Variants in CEP85L observed in about 807,000 individuals in gnomAD.
The protein encoded by CEP85L is centrosomal protein 85L, also known as centrosomal protein of 85 kDa-like.
In CEP85L, 60 loss-of-function variants were observed where a neutral mutation model predicts 100.3. That is an observed-to-expected ratio of 0.60 (90% confidence interval 0.49 to 0.74). The LOEUF (loss-of-function observed/expected upper bound fraction) is 0.74, where lower values mean the gene tolerates loss of function less well. Ranked by LOEUF, CEP85L falls within the 30% of genes least tolerant of loss-of-function variation. CEP85L has a pLI of 0.00. For synonymous variants in CEP85L, 319 were observed against 322.7 expected, an observed-to-expected ratio of 0.99 and a Z score of 0.12; for missense variants, 973 against 936.2, an observed-to-expected ratio of 1.04 and a Z score of -0.51.
chr6:118,575,499 A>C (rs1780171002), intron 2 of CEP85L, among the ~76,000 whole-genome samples: 1 of 152,104 alleles, frequency 6.6e-6, no homozygotes, highest in South Asian at 2.1e-4. Context: ...TCCCCTAAAA[A>C]CTACAGGAGA....
intron 3 of CEP85L, among the ~76,000 whole-genome samples, chr6:118,526,114 CAT>C (rs1562229913): frequency 6.6e-6 from 1 of 152,306 alleles, no homozygotes; most frequent in East Asian, 1.9e-4. Flanking sequence ...AAAAGTGACA[CAT>C]AGTGTTACAG....
At chr6:118,527,002 CTTTT>C (rs764883723) in intron 3 of CEP85L, among the ~76,000 whole-genome samples, 32 of 98,732 alleles carry the variant, frequency 3.2e-4, no homozygotes, top group African/African-American at 5.3e-4. Context: ...TTTACTTTTT[CTTTT>C]TTTTTTTTTT....
rs1409228051 is a variant in CEP85L, at chr6:118,600,316, T to G, written c.232+32137A>C. On this transcript the variant is annotated intron_variant, in intron 2 of 12. Coordinates refer to ENST00000368491, the MANE Select transcript of CEP85L (RefSeq NM_001042475.3). ...CTTCCTGGGGGTGTGTGTGTGTGTG[T>G]GTGTGTGTGTGTGTGTGTGTGTGTG... Among the ~76,000 whole-genome samples, 82 of 90,582 alleles carry G rather than the reference T, an allele frequency of 9.1e-4. 4 individuals carry two copies. The highest frequency in any genetic ancestry group is 1.3e-3 in the Non-Finnish European group (54 of 41,662). The allele number at this position is 90,582 out of a possible 152,430, so 59.4% of individuals were successfully genotyped here. A position where few individuals can be genotyped will look rare whatever the true frequency, so the allele number is the denominator to read the frequency against.
intron 3 of CEP85L, among the ~76,000 whole-genome samples, chr6:118,526,377 T>C (rs1047135459): frequency 6.6e-6 from 1 of 152,198 alleles, no homozygotes; most frequent in Non-Finnish European, 1.5e-5. Flanking sequence ...ACAAGTGACC[T>C]TCAGGACCCC....
intron 1 of CEP85L, among the ~76,000 whole-genome samples, chr6:118,641,563 G>A (rs781400885): frequency 1.3e-5 from 2 of 152,054 alleles, no homozygotes; most frequent in East Asian, 1.9e-4. Context: ...AGGGCTTGAC[G>A]GTGACATCCT....
chr6:118,603,901 C>A (rs1771993105), intron 2 of CEP85L, among the ~76,000 whole-genome samples: 1 of 152,174 alleles, frequency 6.6e-6, no homozygotes, highest in Non-Finnish European at 1.5e-5. Context: ...TTTAGGCCAG[C>A]CCCTATTAAA....
intron 3 of CEP85L, among the ~76,000 whole-genome samples, chr6:118,526,614 T>C (rs547886792): frequency 1.3e-5 from 2 of 152,302 alleles, no homozygotes; most frequent in African/African-American, 4.8e-5. Context: ...TTTCACAAGA[T>C]ACAGGTCACA....
Position 118,635,717 on chromosome 6 carries a change from G to A in CEP85L, c.74-3106C>T, listed in dbSNP as rs144997538. Among the ~76,000 whole-genome samples the A allele has an allele frequency of 4.3e-3, 661 of 152,270 alleles. 8 individuals carry two copies. Among genetic ancestry groups the A allele is most frequent in the African/African-American group, 0.015 (640 of 41,558 alleles). ...TTAGGCAATATAACTATTTTGAGCAGTATAAAGTCATGCTCCATTAAAGCC... is the reference window on the plus strand; with the variant it reads ...TTAGGCAATATAACTATTTTGAGCAATATAAAGTCATGCTCCATTAAAGCC... On this transcript the variant is annotated intron_variant, in intron 1 of 12. Transcript: ENST00000368491.
chr6:118,657,786 C>T (rs776543916), intron 1 of CEP85L, among the ~76,000 whole-genome samples: 1 of 152,182 alleles, frequency 6.6e-6, no homozygotes, highest in Non-Finnish European at 1.5e-5. Context: ...GAGCAAATTA[C>T]AAACTTGTGA....
At position 118,465,474 on chromosome 6, in the gene CEP85L, A is replaced by G. The variant is rs766721431; in HGVS notation, c.2349T>C (p.Ile783=). 4 of 1,613,512 alleles carry G rather than the reference A, an allele frequency of 2.5e-6. No individual in the cohort carries two copies. In the Admixed American group the frequency reaches 6.7e-5, roughly 27 times the overall value. ...LSDVCQLRRD[I]DELRTTISDR... is the part of the protein sequence containing the mutation. ...CTGATATTGTAGTCCTTAATTCATC[A>G]ATGTCTCTTCGTAACTGGCACACAT... The change falls in exon 13 of 13, where the codon ATT becomes ATC. Residue 783 remains isoleucine (I), a synonymous_variant. Transcript: ENST00000368491.
At chr6:118,709,057 G>T (rs1777693367) in intron 1 of CEP85L, among the ~76,000 whole-genome samples, 1 of 152,126 alleles carries the variant, frequency 6.6e-6, no homozygotes, top group African/African-American at 2.4e-5. Flanking sequence ...GTACCTAACA[G>T]ATCTCGGAAA....
chr6:118,599,441 A>G (rs1781611681), intron 2 of CEP85L, among the ~76,000 whole-genome samples: 1 of 152,202 alleles, frequency 6.6e-6, no homozygotes, highest in African/African-American at 2.4e-5. Context: ...GCATAAATAA[A>G]TGATTGAATA....
chr6:118,683,304 G>A (rs1776728509), intron 1 of CEP85L, among the ~76,000 whole-genome samples: 1 of 152,116 alleles, frequency 6.6e-6, no homozygotes, highest in African/African-American at 2.4e-5. Context: ...ACCAATCTTT[G>A]GGGGAGAATC....
At chr6:118,662,559 G>A (rs897777279) in intron 1 of CEP85L, among the ~76,000 whole-genome samples, 6 of 151,310 alleles carry the variant, frequency 4.0e-5, no homozygotes, top group African/African-American at 1.5e-4. Flanking sequence ...AGAATAGTAT[G>A]AGTTATTATT....
At chr6:118,558,802 C>T (rs1409720269) in intron 3 of CEP85L, 6 of 736,728 alleles carry the variant, frequency 8.1e-6, no homozygotes, top group African/African-American at 1.7e-5. Flanking sequence ...GATTCTAATC[C>T]ATTTATTATT....
intron 2 of CEP85L, among the ~76,000 whole-genome samples, chr6:118,607,959 C>T (rs1286181724): frequency 6.6e-6 from 1 of 152,118 alleles, no homozygotes; most frequent in East Asian, 1.9e-4. Flanking sequence ...GAGAGGGTTC[C>T]TGTATCTCGT....
Position 118,469,170 on chromosome 6 carries a change from A to G in CEP85L, c.2156T>C (p.Met719Thr). Reference protein sequence around the residue: ...LTVIDQLFKEMSCCLFDLKAL... With the variant: ...LTVIDQLFKETSCCLFDLKAL... ...TTTCAAGTCAAACAAACAACAGGAC[A>G]TTTCCTTGAACAGCTGATCAATCAC... The change falls in exon 12 of 13, where the codon ATG becomes ACG. Residue 719 changes from methionine to threonine, a missense_variant. By Grantham distance (81) the Met-to-Thr change is moderately conservative. Coordinates refer to ENST00000368491, the MANE Select transcript of CEP85L (RefSeq NM_001042475.3). 6.2e-7 allele frequency: 1 copy of G among 1,614,068 alleles called. No individual in the cohort carries two copies. The highest frequency in any genetic ancestry group is 8.5e-7 in the Non-Finnish European group (1 of 1,179,934).
At chr6:118,555,296 C>T (rs978739811) in intron 3 of CEP85L, among the ~76,000 whole-genome samples, 7 of 151,928 alleles carry the variant, frequency 4.6e-5, no homozygotes, top group South Asian at 4.2e-4. Context: ...GGCATGGTGG[C>T]GGGCACCTGT....
Position 118,649,988 on chromosome 6 carries a change from T to C in CEP85L, c.73+1209A>G, listed in dbSNP as rs544560484. ...ATTCGAAATTTCAATAGCCTGATAC[T>C]AGTGACTCGGTCAGTGCCTGATTTT... is the stretch of plus-strand genomic sequence containing the variant. On this transcript the variant is annotated intron_variant, in intron 1 of 12. Coordinates refer to ENST00000368491, the MANE Select transcript of CEP85L (RefSeq NM_001042475.3). 4.6e-5 allele frequency among the ~76,000 whole-genome samples: 7 copies of C among 152,346 alleles called. No individual in the cohort carries two copies. In the South Asian group the frequency reaches 1.4e-3, roughly 32 times the overall value.
Sources: allele counts gnomAD v4.1 joint callset (sites outside exome capture counted in the v4.1 genomes callset), GRCh38; gene constraint gnomAD v4.1.1; transcripts MANE v1.5; gene names NCBI Gene and HGNC (gene_info 2026-07-23, HGNC 2026-07-21).